CABLES1: variants seen among roughly 807,000 people sequenced by gnomAD.
The protein encoded by CABLES1 is CDK5 and ABL1 enzyme substrate 1.
A neutral mutation model predicts 57.8 loss-of-function variants in CABLES1; 36 were observed. The ratio of observed to expected loss-of-function variants is 0.62; its 90% CI spans 0.48 to 0.82. CABLES1 has a LOEUF of 0.82. CABLES1 is among the 40% of genes least tolerant of loss of function. The probability of loss-of-function intolerance (pLI) is 0.00; values close to 1 mark genes in which losing one functional copy is unlikely to be tolerated. For missense variants in CABLES1, 767 were observed against 836.6 expected (o/e 0.92, Z 1.03); for synonymous variants, 374 against 363.0 (o/e 1.03, Z -0.35).
intron 1 of CABLES1, among the ~76,000 whole-genome samples, chr18:23,140,749 TAAA>T (rs1388670505): frequency 1.3e-5 from 2 of 152,222 alleles, no homozygotes; most frequent in African/African-American, 4.8e-5. Flanking sequence ...AGGGTACTAT[TAAA>T]AAATAGCATG....
At chr18:23,252,784 A>C (rs947461901) in intron 7 of CABLES1, among the ~76,000 whole-genome samples, 176 bp from the exon 8 acceptor site, 2 of 152,172 alleles carry the variant, frequency 1.3e-5, no homozygotes, top group African/African-American at 4.8e-5. Flanking sequence ...GTTCGCCTCC[A>C]GAAGGCCACA....
In CABLES1 at chr18:23,237,233, C is replaced by G; in HGVS notation, c.1434C>G (p.Phe478Leu). 6.2e-7 allele frequency: 1 copy of G among 1,608,810 alleles called. No homozygotes were observed. Among genetic ancestry groups the G allele is most frequent in the Non-Finnish European group, 8.5e-7 (1 of 1,175,136 alleles). ...GCAAACACAAACGCGTTCTGATCTT[C>G]CCTTCCTACATGGTGAGTAGCGTGG... ...PCGKHKRVLIFPSYMTTVIDY... is the reference protein window; with the variant it reads ...PCGKHKRVLILPSYMTTVIDY... Residue 478 changes from phenylalanine to leucine, a missense_variant, in exon 7 of 10, where the codon TTC (phenylalanine) becomes TTG (leucine). Transcript: ENST00000256925.
intron 7 of CABLES1, among the ~76,000 whole-genome samples, chr18:23,246,720 C>T (rs1475858302): frequency 2.0e-5 from 3 of 151,816 alleles, no homozygotes; most frequent in South Asian, 4.1e-4. Context: ...TTGAGACAGT[C>T]TCACTCTGTC....
intron 3 of CABLES1, among the ~76,000 whole-genome samples, chr18:23,208,377 G>T (rs2145045708): frequency 6.6e-6 from 1 of 152,306 alleles, no homozygotes; most frequent in East Asian, 1.9e-4. Flanking sequence ...TTTGTTGGTG[G>T]TGGTGGTGTT....
chr18:23,244,050 ACAAT>A (rs2047812598), intron 7 of CABLES1, among the ~76,000 whole-genome samples: 1 of 152,164 alleles, frequency 6.6e-6, no homozygotes, highest in Non-Finnish European at 1.5e-5. Context: ...CGGATTTTTG[ACAAT>A]CACTTCGTGA....
At chr18:23,150,761 T>A (rs1292338924) in intron 1 of CABLES1, among the ~76,000 whole-genome samples, 1 of 151,716 alleles carries the variant, frequency 6.6e-6, no homozygotes, top group Non-Finnish European at 1.5e-5. Context: ...GGGAAAGGCT[T>A]TCTCGGGAAG....
chr18:23,208,776 C>T (rs537996549), intron 3 of CABLES1, among the ~76,000 whole-genome samples: 15 of 152,276 alleles, frequency 9.9e-5, no homozygotes, highest in East Asian at 3.9e-4. Context: ...ACTGGAAGCG[C>T]GGGGGCCATG....
At chr18:23,228,115 A>G (rs144841766) in intron 4 of CABLES1, among the ~76,000 whole-genome samples, 52 of 152,232 alleles carry the variant, frequency 3.4e-4, no homozygotes, top group African/African-American at 1.2e-3. Context: ...TTTTTTTAAG[A>G]GAGTAATATT....
At chr18:23,179,145 G>A (rs1388543960) in intron 1 of CABLES1, among the ~76,000 whole-genome samples, 1 of 152,088 alleles carries the variant, frequency 6.6e-6, no homozygotes, top group Non-Finnish European at 1.5e-5. Flanking sequence ...AATTAGTCGG[G>A]TATTGTGGCG....
chr18:23,212,955 G>A (rs1177272838), intron 3 of CABLES1, among the ~76,000 whole-genome samples: 2 of 152,098 alleles, frequency 1.3e-5, no homozygotes, highest in African/African-American at 2.4e-5. Flanking sequence ...TTAAGGTGGG[G>A]GTGCTGTAAG....
chr18:23,236,977 C>T (rs1317164136), intron 6 of CABLES1, among the ~76,000 whole-genome samples, 165 bp from the exon 7 acceptor site: 3 of 152,150 alleles, frequency 2.0e-5, no homozygotes, highest in Admixed American at 6.5e-5. Context: ...TTCACTGGCA[C>T]ACGGAGATGT....
At chr18:23,159,807 ATTG>A in intron 1 of CABLES1, among the ~76,000 whole-genome samples, 1 of 151,996 alleles carries the variant, frequency 6.6e-6, no homozygotes, top group East Asian at 1.9e-4. Context: ...AAAGAATTTT[ATTG>A]TTGTGTATTT....
intron 1 of CABLES1, among the ~76,000 whole-genome samples, chr18:23,185,457 G>C (rs987181702): frequency 2.1e-5 from 3 of 141,798 alleles, no homozygotes; most frequent in Non-Finnish European, 4.5e-5. Flanking sequence ...TGGTTCAGCT[G>C]TGTGTTCCTG....
chr18:23,237,761 T>A (rs185228827), intron 7 of CABLES1, among the ~76,000 whole-genome samples: 1 of 152,232 alleles, frequency 6.6e-6, no homozygotes, highest in Non-Finnish European at 1.5e-5. Context: ...ACTCTTCCTG[T>A]TTTTCCCTGT....
At chr18:23,178,268 C>T (rs1434298277) in intron 1 of CABLES1, among the ~76,000 whole-genome samples, 1 of 152,136 alleles carries the variant, frequency 6.6e-6, no homozygotes, top group African/African-American at 2.4e-5. Context: ...TACCCTTCTG[C>T]GTATTCCATT....
rs566804134 is a variant in CABLES1 at position 23,186,420 on chromosome 18, C to T, written c.846-2418C>T. Among the ~76,000 whole-genome samples, 26 of 150,254 alleles carry T rather than the reference C, an allele frequency of 1.7e-4. No homozygotes were observed. In the East Asian group the frequency reaches 4.5e-3, roughly 26 times the overall value. On this transcript the variant is annotated intron_variant, in intron 1 of 9. Coordinates refer to ENST00000256925, the MANE Select transcript of CABLES1 (RefSeq NM_001100619.3). ...GATTAAGGAGCTTGCTTTCTTTTCT[C>T]TTCTTTTTTTTTTTTTTTCCCCAAG...
chr18:23,180,254 A>G (rs749121015), intron 1 of CABLES1, among the ~76,000 whole-genome samples: 2 of 151,976 alleles, frequency 1.3e-5, no homozygotes, highest in Non-Finnish European at 2.9e-5. Context: ...GCGCAGTCTG[A>G]TTGGACTTCT....
At chr18:23,245,879 G>A (rs577937517) in intron 7 of CABLES1, among the ~76,000 whole-genome samples, 15 of 152,376 alleles carry the variant, frequency 9.8e-5, no homozygotes, top group African/African-American at 3.6e-4. Flanking sequence ...TGCAGGGTTA[G>A]AACCCCCCAT....
intron 7 of CABLES1, among the ~76,000 whole-genome samples, chr18:23,240,130 C>CAA (rs959713020): frequency 6.6e-6 from 1 of 152,040 alleles, no homozygotes; most frequent in Non-Finnish European, 1.5e-5. Flanking sequence ...CAAAACAAAA[C>CAA]AAAAACAGCG....
Sources: allele counts gnomAD v4.1 joint callset (sites outside exome capture counted in the v4.1 genomes callset), GRCh38; gene constraint gnomAD v4.1.1; transcripts MANE v1.5; gene names NCBI Gene and HGNC (gene_info 2026-07-23, HGNC 2026-07-21).